Variants in SNX24 observed in about 807,000 individuals in gnomAD.
SNX24 encodes the protein sorting nexin-24.
In SNX24, 22 loss-of-function variants were observed where a neutral mutation model predicts 28.7. The ratio of observed to expected loss-of-function variants is 0.77; its 90% confidence interval spans 0.55 to 1.10. The LOEUF (loss-of-function observed/expected upper bound fraction) is 1.10. SNX24 is among the 50% of genes least tolerant of loss of function. SNX24 has a pLI of 0.00. For missense variants in SNX24, 221 were observed against 201.1 expected, an observed-to-expected ratio of 1.10 and a Z score of -0.60; for synonymous variants, 69 against 71.5, an observed-to-expected ratio of 0.96 and a Z score of 0.18.
chr5:123,027,555 C>T (rs1762879576), intron 5 of SNX24, among the ~76,000 whole-genome samples: 1 of 152,174 alleles, frequency 6.6e-6, no homozygotes, highest in African/African-American at 2.4e-5. Context: ...ATCCCATTGC[C>T]TGGGGCAACC....
chr5:122,972,888 A>G (rs1329173657), intron 3 of SNX24, among the ~76,000 whole-genome samples: 2 of 152,114 alleles, frequency 1.3e-5, no homozygotes. Context: ...CAAATTGGAC[A>G]CTCAGTGGTG....
chr5:123,004,673 C>T (rs1316828948), intron 6 of SNX24, among the ~76,000 whole-genome samples: 2 of 152,208 alleles, frequency 1.3e-5, no homozygotes, highest in African/African-American at 2.4e-5. Flanking sequence ...GCCCCAGGCT[C>T]ATGTTCCTAC....
At chr5:122,908,934 G>A (rs1195302870) in intron 1 of SNX24, among the ~76,000 whole-genome samples, 2 of 152,178 alleles carry the variant, frequency 1.3e-5, no homozygotes, top group African/African-American at 2.4e-5. Context: ...AGGACCTTAC[G>A]GTGAGCACTT....
At chr5:122,898,083 G>A (rs1025346815) in intron 1 of SNX24, among the ~76,000 whole-genome samples, 14 of 152,178 alleles carry the variant, frequency 9.2e-5, no homozygotes, top group African/African-American at 3.4e-4. Context: ...GTGTGTCGGG[G>A]TTGGTGCTGG....
At chr5:123,024,666 C>T (rs781137589) in intron 5 of SNX24, among the ~76,000 whole-genome samples, 5 of 152,212 alleles carry the variant, frequency 3.3e-5, no homozygotes, top group African/African-American at 1.2e-4. Flanking sequence ...GTTTCCCAGA[C>T]AGCATTGAGG....
At chr5:122,877,394 C>T (rs1294681630) in intron 1 of SNX24, among the ~76,000 whole-genome samples, 1 of 151,970 alleles carries the variant, frequency 6.6e-6, no homozygotes, top group African/African-American at 2.4e-5. Flanking sequence ...AGAATGTTTC[C>T]AAAGAGGTTA....
chr5:122,871,501 C>G (rs1451205338), intron 1 of SNX24, among the ~76,000 whole-genome samples: 1 of 152,168 alleles, frequency 6.6e-6, no homozygotes, highest in Non-Finnish European at 1.5e-5. Flanking sequence ...GGCGCGGTGG[C>G]TCACGCCTGT....
At chr5:122,883,329 A>C (rs1756561855) in intron 1 of SNX24, among the ~76,000 whole-genome samples, 1 of 152,186 alleles carries the variant, frequency 6.6e-6, no homozygotes, top group Non-Finnish European at 1.5e-5. Context: ...ATATTTCTGC[A>C]TATTTAAGGG....
intron 3 of SNX24, among the ~76,000 whole-genome samples, chr5:122,957,902 TGTTA>T (rs1489733353): frequency 8.5e-5 from 13 of 152,224 alleles, no homozygotes; most frequent in African/African-American, 1.7e-4. Flanking sequence ...TGAATTTGCC[TGTTA>T]GTTATAACAG....
chr5:122,905,513 T>G (rs781340448), intron 1 of SNX24, among the ~76,000 whole-genome samples: 1 of 152,204 alleles, frequency 6.6e-6, no homozygotes, highest in Non-Finnish European at 1.5e-5. Context: ...AGTGCTAACA[T>G]GATGCTCAAA....
intron 1 of SNX24, among the ~76,000 whole-genome samples, chr5:122,866,171 C>T (rs1755710617): frequency 6.6e-6 from 1 of 152,102 alleles, no homozygotes; most frequent in African/African-American, 2.4e-5. Context: ...GAATGAATAA[C>T]AAGAGTCTTG....
At chr5:122,909,184 G>A (rs1581733317) in intron 1 of SNX24, among the ~76,000 whole-genome samples, 2 of 152,136 alleles carry the variant, frequency 1.3e-5, no homozygotes, top group East Asian at 1.9e-4. Flanking sequence ...TTACCAAAGC[G>A]AAAAAGGCAT....
At chr5:122,866,730 T>C (rs1755737126) in intron 1 of SNX24, among the ~76,000 whole-genome samples, 1 of 152,190 alleles carries the variant, frequency 6.6e-6, no homozygotes, top group Admixed American at 6.5e-5. Context: ...TTCCTTTTGG[T>C]AGGCAGGATC....
chr5:123,012,759 A>G (rs1762612961), downstream of SNX24, among the ~76,000 whole-genome samples: 1 of 152,236 alleles, frequency 6.6e-6, no homozygotes, highest in Non-Finnish European at 1.5e-5. Context: ...TCGTGGGTGC[A>G]GGAGAGCTTT....
chr5:122,907,957 G>T (rs758729634), intron 1 of SNX24, among the ~76,000 whole-genome samples: 1 of 151,434 alleles, frequency 6.6e-6, no homozygotes, highest in African/African-American at 2.4e-5. Context: ...TGAGACTTCA[G>T]TGTCTTCTGG....
chr5:122,913,634 T>C (rs1758017327), intron 1 of SNX24, among the ~76,000 whole-genome samples: 1 of 151,396 alleles, frequency 6.6e-6, no homozygotes, highest in Non-Finnish European at 1.5e-5. Context: ...ACGGGGCGGC[T>C]GCCAGGCAGA....
At chr5:123,010,945 T>C (rs927915126), downstream of SNX24, among the ~76,000 whole-genome samples, 1 of 152,166 alleles carries the variant, frequency 6.6e-6, no homozygotes, top group African/African-American at 2.4e-5. Context: ...ATGGATCTTC[T>C]ATAATTTGTG....
intron 1 of SNX24, among the ~76,000 whole-genome samples, chr5:122,925,672 T>C (rs550133128): frequency 6.6e-6 from 1 of 152,290 alleles, no homozygotes; most frequent in African/African-American, 2.4e-5. Flanking sequence ...TCTGCCTCTA[T>C]TATGTCTAAC....
chr5:122,943,736 A>G (rs904664992), intron 2 of SNX24, among the ~76,000 whole-genome samples: 5 of 152,144 alleles, frequency 3.3e-5, no homozygotes, highest in Non-Finnish European at 7.4e-5. Context: ...ACAATACACA[A>G]TGTAATCATG....
Sources: allele counts gnomAD v4.1 joint callset (sites outside exome capture counted in the v4.1 genomes callset), GRCh38; gene constraint gnomAD v4.1.1; transcripts MANE v1.5; gene names NCBI Gene and HGNC (gene_info 2026-07-23, HGNC 2026-07-21).